Variants in AHNAK observed in about 807,000 individuals in gnomAD.
The protein encoded by AHNAK is AHNAK nucleoprotein, also known as neuroblast differentiation-associated protein AHNAK.
AHNAK carries 23 observed loss-of-function variants against 37.8 expected under a neutral mutation model. That is an observed-to-expected ratio of 0.61 (90% CI 0.44 to 0.86). AHNAK has a LOEUF of 0.86. Ranked by LOEUF, AHNAK falls within the 40% of genes least tolerant of loss-of-function variation. The pLI is 0.00. For synonymous variants in AHNAK, 2,481 were observed against 2,636.3 expected (o/e 0.94, Z 1.80); for missense variants, 7,411 against 7,319.4 (o/e 1.01, Z -0.46).
intron 5 of AHNAK, among the ~76,000 whole-genome samples, chr11:62,474,631 G>A (rs559487389): frequency 6.6e-6 from 1 of 152,292 alleles, no homozygotes; most frequent in South Asian, 2.1e-4. Context: ...GAATGGACAC[G>A]AGGCCTTCCT....
downstream of AHNAK, among the ~76,000 whole-genome samples, chr11:62,511,707 A>T (rs1376500981): frequency 6.6e-6 from 1 of 152,156 alleles, no homozygotes; most frequent in Non-Finnish European, 1.5e-5. Context: ...AGAAACCTCG[A>T]TGTATAAAAA....
chr11:62,435,436 G>A (rs543293344), intron 5 of AHNAK, among the ~76,000 whole-genome samples: 2 of 151,910 alleles, frequency 1.3e-5, no homozygotes, highest in Admixed American at 6.6e-5. Context: ...TTTTTGAGAC[G>A]GAGTCTCGCT....
intron 5 of AHNAK, among the ~76,000 whole-genome samples, chr11:62,486,519 A>G (rs149793757): frequency 0.029 from 2,788 of 95,844 alleles, 54 homozygotes; most frequent in Middle Eastern, 0.14. Flanking sequence ...AGGAAGGAAG[A>G]AAGGAAAGAA....
At position 62,456,079 on chromosome 11, in the gene AHNAK, C is replaced by A. The variant is rs1257612894; in HGVS notation, c.443-22188G>T. On this transcript the variant is annotated intron_variant, in intron 5 of 5. Transcript: ENST00000257247. The stretch of plus-strand genomic sequence containing the variant: ...GGAAAGTCAGACACACAAAGAGACA[C>A]CAGGGGTACACAAGCACAGAGGCAA... Among the ~76,000 whole-genome samples, 3 of 151,954 alleles carry A rather than the reference C, an allele frequency of 2.0e-5. No homozygotes were observed. In the East Asian group the frequency reaches 5.8e-4, roughly 29 times the overall value.
Position 62,516,084 on chromosome 11 carries a change from A to G in AHNAK, c.*660T>C. On this transcript the variant is annotated 3_prime_UTR_variant, in exon 5 of 5. Coordinates refer to ENST00000378024, the MANE Select transcript of AHNAK (RefSeq NM_001620.3). ...ACAGTTCCCTTACAAAACACAGAAA[A>G]TGGAAGCCCCTCATGTTGAGGGGGT... is the stretch of plus-strand genomic sequence containing the variant. The G allele has an allele frequency of 4.9e-6, 6 of 1,224,786 alleles. No individual in the cohort carries two copies. Among genetic ancestry groups the G allele is most frequent in the Non-Finnish European group, 6.3e-6 (6 of 954,792 alleles). The allele number at this position is 1,224,786 out of a possible 1,614,324, so 75.9% of individuals were successfully genotyped here.
rs528377338 is a variant in AHNAK, at chr11:62,542,981, G to A, written c.-100+3679C>T. Among the ~76,000 whole-genome samples, 3 of 152,260 alleles carry A rather than the reference G, an allele frequency of 2.0e-5. No homozygotes were observed. In the South Asian group the frequency reaches 6.2e-4, roughly 32 times the overall value. On this transcript the variant is annotated intron_variant, in intron 1 of 4. Coordinates refer to ENST00000378024, the MANE Select transcript of AHNAK (RefSeq NM_001620.3). ...TACTGCAGGGGCGTGGGGCCAGGCC[G>A]CTCCGGCTCTGTCGCTGAAGAGCTA...
rs981561958 is a variant in AHNAK at position 62,434,991 on chromosome 11, C to T, written c.443-1100G>A. Among the ~76,000 whole-genome samples the T allele has an allele frequency of 2.7e-5, 4 of 150,310 alleles. No individual in the cohort carries two copies. The East Asian group carries it at 7.8e-4, about 29-fold the overall frequency. On this transcript the variant is annotated intron_variant, in intron 5 of 5. Transcript: ENST00000257247. Reference sequence around the variant, plus strand: ...TAATGGGACCTCATCTGGAACCAGGCCTCCTTTCCTACTTTATCTTCTACT... The same window carrying T: ...TAATGGGACCTCATCTGGAACCAGGTCTCCTTTCCTACTTTATCTTCTACT...
At chr11:62,436,634 TAA>T (rs34838843) in intron 5 of AHNAK, among the ~76,000 whole-genome samples, 70 of 142,622 alleles carry the variant, frequency 4.9e-4, no homozygotes, top group African/African-American at 1.0e-3. Context: ...TTCTTTTCAT[TAA>T]AAAAAAAAAA....
At position 62,532,480 on chromosome 11, in the gene AHNAK, G is replaced by A. The variant is rs1435742334; in HGVS notation, c.1937C>T (p.Pro646Leu). ...FSTPGAKGEGPDVHMTLPKGD... is the reference protein window; with the variant it reads ...FSTPGAKGEGLDVHMTLPKGD... ...TTTGGGTAGAGTCATATGAACATCT[G>A]GACCTTCCCCTTTGGCTCCTGGAGT... The change falls in exon 5 of 5, where the codon CCA becomes CTA. Residue 646 changes from proline (P) to leucine (L), a missense_variant. Pro to Leu is a moderately conservative substitution (Grantham distance 98). Transcript: ENST00000378024. 5 of 1,613,750 alleles carry A rather than the reference G, an allele frequency of 3.1e-6. No homozygotes were observed. In the Admixed American group the frequency reaches 5.0e-5, roughly 16 times the overall value.
rs765389342 is a variant in AHNAK, at chr11:62,525,928, A to C, written c.8489T>G (p.Phe2830Cys). 1.9e-6 allele frequency: 3 copies of C among 1,614,060 alleles called. No homozygotes were observed. In the African/African-American group the frequency reaches 4.0e-5, roughly 22 times the overall value. ...SPKFKMPEMH[F>C]KTPKISMPDI... ...TGGCATGGATATCTTTGGAGTCTTA[A>C]AATGCATCTCTGGCATCTTAAACTT... is the stretch of plus-strand genomic sequence containing the variant. The change falls in exon 5 of 5, where the codon TTT becomes TGT. Residue 2830 changes from phenylalanine (F) to cysteine (C), a missense_variant. Coordinates refer to ENST00000378024, the MANE Select transcript of AHNAK (RefSeq NM_001620.3).
rs769464324 is a variant in AHNAK, at chr11:62,519,624, T to C, written c.14793A>G (p.Gly4931=). 132 of 1,613,578 alleles carry C rather than the reference T, an allele frequency of 8.2e-5. 1 individual carries two copies. The South Asian group carries it at 1.4e-3, about 17-fold the overall frequency. Residue 4931 remains glycine (G), a synonymous_variant, in exon 5 of 5, where the codon GGA becomes GGG. Coordinates refer to ENST00000378024, the MANE Select transcript of AHNAK (RefSeq NM_001620.3). Reference sequence around the variant, plus strand: ...CACCTTCTAACTTCGGACCTGAAAATCCAATTTTTGGTGCCTTGAGATGCA... The same window carrying C: ...CACCTTCTAACTTCGGACCTGAAAACCCAATTTTTGGTGCCTTGAGATGCA... ...VDLHLKAPKI[G]FSGPKLEGGE... is the part of the protein sequence containing the mutation.
At chr11:62,473,602 GT>G (rs1939085286) in intron 5 of AHNAK, among the ~76,000 whole-genome samples, 1 of 151,682 alleles carries the variant, frequency 6.6e-6, no homozygotes, top group Admixed American at 6.6e-5. Flanking sequence ...GGAGACTGGC[GT>G]GAACCTGGGA....
intron 4 of AHNAK, among the ~76,000 whole-genome samples, chr11:62,497,535 C>G (rs1229416259): frequency 1.3e-5 from 2 of 152,200 alleles, no homozygotes; most frequent in African/African-American, 4.8e-5. Flanking sequence ...TTATGTAAAA[C>G]AGTTACTAAG....
intron 1 of AHNAK, among the ~76,000 whole-genome samples, chr11:62,544,224 C>T (rs1455677372): frequency 6.6e-6 from 1 of 152,156 alleles, no homozygotes; most frequent in Non-Finnish European, 1.5e-5. Flanking sequence ...CAGCCAACTC[C>T]GTACCCTGGG....
At chr11:62,460,347 T>G (rs1202521817) in intron 5 of AHNAK, among the ~76,000 whole-genome samples, 1 of 152,010 alleles carries the variant, frequency 6.6e-6, no homozygotes, top group Non-Finnish European at 1.5e-5. Context: ...GATGAGAGAC[T>G]TTCATGACCA....
intron 5 of AHNAK, among the ~76,000 whole-genome samples, chr11:62,465,473 C>T (rs1359187973): frequency 7.2e-5 from 11 of 151,822 alleles, no homozygotes; most frequent in African/African-American, 2.2e-4. Flanking sequence ...ATTAGCTGGG[C>T]GTTGTGGCAG....
rs146696546 is a variant in AHNAK, at chr11:62,470,212, C to T, written c.442+21520G>A. On this transcript the variant is annotated intron_variant, in intron 5 of 5. Transcript: ENST00000257247. ...CCTGTAATCCCAGCACTTTGGGAAGCTGAGGTGGGCAGATCACAAGGTCAG... is the reference window on the plus strand; with the variant it reads ...CCTGTAATCCCAGCACTTTGGGAAGTTGAGGTGGGCAGATCACAAGGTCAG... Among the ~76,000 whole-genome samples, 722 of 152,278 alleles carry T rather than the reference C, an allele frequency of 4.7e-3. 9 individuals carry two copies. The highest frequency in any genetic ancestry group is 0.016 in the African/African-American group (656 of 41,562).
chr11:62,533,818 T>A lies in AHNAK; in HGVS notation c.599A>T (p.Gln200Leu). The A allele has an allele frequency of 6.2e-7, 1 of 1,614,152 alleles. No homozygotes were observed. ...TEISNVDVET[Q>L]SGKTVIRLPS... ...CAGTCTGATCACGGTCTTCCCAGAC[T>A]GGGTCTCCACATCCACATTGGAGAT... The change falls in exon 5 of 5, where the codon CAG becomes CTG. Residue 200 changes from glutamine to leucine, a missense_variant. Physicochemically the swap from Gln to Leu is moderately radical, Grantham distance 113. Coordinates refer to ENST00000378024, the MANE Select transcript of AHNAK (RefSeq NM_001620.3).
chr11:62,520,101 A>G lies in AHNAK; in HGVS notation c.14316T>C (p.His4772=). The part of the protein sequence containing the change: ...VDINTPDVDV[H]GPDWHLKMPK... ...GCATCTTCAGGTGCCAGTCTGGGCC[A>G]TGAACATCCACATCAGGGGTGTTGA... The change falls in exon 5 of 5, where the codon CAT becomes CAC. Residue 4772 remains histidine (H), a synonymous_variant. Coordinates refer to ENST00000378024, the MANE Select transcript of AHNAK (RefSeq NM_001620.3). 6.3e-7 allele frequency: 1 copy of G among 1,598,486 alleles called. No individual in the cohort carries two copies. Among genetic ancestry groups the G allele is most frequent in the Non-Finnish European group, 8.5e-7 (1 of 1,173,902 alleles).
Sources: allele counts gnomAD v4.1 joint callset (sites outside exome capture counted in the v4.1 genomes callset), GRCh38; gene constraint gnomAD v4.1.1; transcripts MANE v1.5; gene names NCBI Gene and HGNC (gene_info 2026-07-23, HGNC 2026-07-21).